SLC30A8: variants seen among roughly 807,000 people sequenced by gnomAD.
SLC30A8 encodes the protein solute carrier family 30 member 8.
SLC30A8 carries 27 observed loss-of-function variants against 36.9 expected under a neutral mutation model. That is an observed-to-expected ratio of 0.73 (90% CI 0.54 to 1.01). The LOEUF is 1.01. Ranked by LOEUF, SLC30A8 falls within the 50% of genes least tolerant of loss-of-function variation. SLC30A8 has a pLI of 0.00. For synonymous variants in SLC30A8, 164 were observed against 172.4 expected (o/e 0.95, Z 0.38); for missense variants, 439 against 452.0 (o/e 0.97, Z 0.26).
chr8:117,055,416 C>T (rs920101354), intron 2 of SLC30A8, among the ~76,000 whole-genome samples: 1 of 152,198 alleles, frequency 6.6e-6, no homozygotes, highest in Non-Finnish European at 1.5e-5. Context: ...ACTTGGCTCC[C>T]CCAGGGACAG....
intron 1 of SLC30A8, among the ~76,000 whole-genome samples, chr8:117,001,107 G>T (rs932207418): frequency 1.3e-5 from 2 of 151,468 alleles, no homozygotes; most frequent in African/African-American, 4.9e-5. Flanking sequence ...AACCCAATCA[G>T]CTGGTTCTCC....
intron 4 of SLC30A8, among the ~76,000 whole-genome samples, chr8:117,160,781 G>T (rs1301101997): frequency 6.6e-6 from 1 of 152,216 alleles, no homozygotes; most frequent in Non-Finnish European, 1.5e-5. Context: ...TGCACATTCA[G>T]TAGTGATCAG....
intron 1 of SLC30A8, among the ~76,000 whole-genome samples, chr8:117,026,940 G>A (rs1024523162): frequency 6.6e-6 from 1 of 152,110 alleles, no homozygotes; most frequent in African/African-American, 2.4e-5. Flanking sequence ...GTGTCTAGGT[G>A]TGACTGATTC....
At chr8:117,152,838 T>C in intron 2 of SLC30A8, 106 bp from the exon 3 acceptor site, 1 of 912,004 alleles carries the variant, frequency 1.1e-6, no homozygotes, top group Non-Finnish European at 1.6e-6. Context: ...CTTTTTCCTC[T>C]AAAGTTTTGT....
At chr8:117,038,087 A>G (rs895754491) in intron 1 of SLC30A8, among the ~76,000 whole-genome samples, 3 of 152,316 alleles carry the variant, frequency 2.0e-5, no homozygotes, top group Admixed American at 2.0e-4. Flanking sequence ...CGAATGTGGT[A>G]TCTAAATACC....
chr8:116,994,313 C>G (rs534080067), intron 1 of SLC30A8, among the ~76,000 whole-genome samples: 2 of 152,128 alleles, frequency 1.3e-5, no homozygotes, highest in South Asian at 4.1e-4. Context: ...GATCTAGACT[C>G]AACAGAAGAG....
intron 1 of SLC30A8, among the ~76,000 whole-genome samples, chr8:116,955,173 T>C (rs190564769): frequency 6.6e-6 from 1 of 152,320 alleles, no homozygotes; most frequent in Admixed American, 6.5e-5. Flanking sequence ...ATAGTATCCT[T>C]CCAAAATAGA....
chr8:117,099,738 G>A (rs1281868911), intron 2 of SLC30A8, among the ~76,000 whole-genome samples: 1 of 152,024 alleles, frequency 6.6e-6, no homozygotes, highest in Non-Finnish European at 1.5e-5. Context: ...TCTCTTTTTG[G>A]ACAATAAACA....
rs530859161 is a variant in SLC30A8, at chr8:117,068,491, C to T, written c.-226+29233C>T. Among the ~76,000 whole-genome samples, 184 of 152,304 alleles carry T rather than the reference C, an allele frequency of 1.2e-3. 6 individuals carry two copies. The South Asian group carries it at 0.037, about 31-fold the overall frequency. On this transcript the variant is annotated intron_variant, in intron 2 of 10. Coordinates refer to the SLC30A8 transcript ENST00000427715. ...CTGCTCCACATGCATCATTTTTGCA[C>T]GTAATTATCATCACCATCCTCTCAA...
intron 2 of SLC30A8, among the ~76,000 whole-genome samples, chr8:117,088,469 C>G (rs1275894797): frequency 1.3e-5 from 2 of 152,124 alleles, no homozygotes; most frequent in African/African-American, 2.4e-5. Context: ...CAAATACCTG[C>G]CGAGAGCTGC....
intron 1 of SLC30A8, among the ~76,000 whole-genome samples, chr8:116,999,889 T>C (rs1815952341): frequency 6.6e-6 from 1 of 152,198 alleles, no homozygotes; most frequent in African/African-American, 2.4e-5. Flanking sequence ...TAGAATGTTA[T>C]TAGCTGCTAA....
intron 2 of SLC30A8, among the ~76,000 whole-genome samples, chr8:117,094,611 T>C (rs1819277752): frequency 6.6e-6 from 1 of 151,896 alleles, no homozygotes; most frequent in Admixed American, 6.6e-5. Flanking sequence ...AGTTGGTCCA[T>C]GAGTGGCCAT....
At chr8:117,101,027 CAA>C (rs1297299261) in intron 2 of SLC30A8, among the ~76,000 whole-genome samples, 3 of 152,106 alleles carry the variant, frequency 2.0e-5, no homozygotes, top group Non-Finnish European at 4.4e-5. Context: ...AATGGCAAGT[CAA>C]AGAGTAAATC....
intron 1 of SLC30A8, among the ~76,000 whole-genome samples, chr8:117,031,926 T>A (rs1394325886): frequency 6.6e-6 from 1 of 152,142 alleles, no homozygotes; most frequent in Non-Finnish European, 1.5e-5. Flanking sequence ...AATCCCTTCA[T>A]CCCCTTCATT....
At chr8:117,128,723 C>G (rs1394656918) in intron 2 of SLC30A8, among the ~76,000 whole-genome samples, 1 of 152,016 alleles carries the variant, frequency 6.6e-6, no homozygotes, top group East Asian at 1.9e-4. Context: ...AATAACTTCT[C>G]AATCCTTAGC....
intron 1 of SLC30A8, among the ~76,000 whole-genome samples, chr8:116,999,224 G>A (rs947401816): frequency 6.6e-6 from 1 of 152,058 alleles, no homozygotes; most frequent in African/African-American, 2.4e-5. Flanking sequence ...ATGCCATTGC[G>A]CTCCAGCCTG....
chr8:117,072,119 T>C (rs960055599), intron 2 of SLC30A8, among the ~76,000 whole-genome samples: 2 of 152,210 alleles, frequency 1.3e-5, no homozygotes, highest in Admixed American at 6.5e-5. Context: ...TCTTACTGCT[T>C]TGGCACCAAA....
Position 117,068,857 on chromosome 8 carries a change from G to A in SLC30A8, c.-226+29599G>A, listed in dbSNP as rs185987320. On this transcript the variant is annotated intron_variant, in intron 2 of 10. Transcript: ENST00000427715. ...CTCTGAAAGTGCTGGGATTACAGGC[G>A]CGAGCCACTACATGTGGCAACCACT... is the stretch of plus-strand genomic sequence containing the variant. 3.5e-3 allele frequency among the ~76,000 whole-genome samples: 531 copies of A among 152,172 alleles called. 8 individuals are homozygous for A. The highest frequency in any genetic ancestry group is 0.012 in the African/African-American group (502 of 41,520).
At position 117,135,192 on chromosome 8, in the gene SLC30A8, CATT is replaced by C. The variant is rs1270394585; in HGVS notation, c.-132_-130del. On this transcript the variant is annotated 5_prime_UTR_variant, in exon 1 of 8. Coordinates refer to ENST00000456015, the MANE Select transcript of SLC30A8 (RefSeq NM_173851.3). ...ACCAACAACACTGATGTAGGAAGCTCATTATTTTAATTTCTGGAGCCTTTTAAT... is the reference window on the plus strand; with the variant it reads ...ACCAACAACACTGATGTAGGAAGCTCATTTTAATTTCTGGAGCCTTTTAAT... 1 of 541,986 alleles carries C rather than the reference CATT, an allele frequency of 1.8e-6. No homozygotes were observed. Among genetic ancestry groups the C allele is most frequent in the Admixed American group, 3.2e-5 (1 of 31,408 alleles). 33.6% of individuals were successfully genotyped at this position (541,986 alleles called of 1,614,324 possible). A position where few individuals can be genotyped will look rare whatever the true frequency, so the allele number is the denominator to read the frequency against.
Sources: gnomAD v4.1 joint callset for allele counts (sites outside exome capture counted in the v4.1 genomes callset) on GRCh38, gnomAD v4.1.1 for gene constraint, MANE v1.5 for transcripts, NCBI Gene and HGNC (gene_info 2026-07-23, HGNC 2026-07-21) for gene names.